Variants in CPA6 observed in about 807,000 individuals in gnomAD.
CPA6 encodes carboxypeptidase B.
A neutral mutation model predicts 63.3 loss-of-function variants in CPA6; 58 were observed. The observed-to-expected ratio is 0.92, with a 90% CI of 0.74 to 1.14. The LOEUF is 1.14. CPA6 is among the 50% of genes most tolerant of loss of function. CPA6 has a pLI of 0.00. For missense variants in CPA6, 565 were observed against 526.6 expected (o/e 1.07, Z -0.71); for synonymous variants, 185 against 179.0 (o/e 1.03, Z -0.27).
intron 2 of CPA6, among the ~76,000 whole-genome samples, chr8:67,546,715 C>A (rs1030053690): frequency 6.6e-6 from 1 of 152,194 alleles, no homozygotes; most frequent in African/African-American, 2.4e-5. Flanking sequence ...AGATGGGTGT[C>A]TCTCTGTGTT....
intron 5 of CPA6, among the ~76,000 whole-genome samples, chr8:67,507,714 A>G (rs1321982411): frequency 6.6e-6 from 1 of 152,206 alleles, no homozygotes; most frequent in Non-Finnish European, 1.5e-5. Flanking sequence ...TGATGCGAAT[A>G]TCAATAAGTT....
At chr8:67,641,936 C>T (rs558936671) in intron 1 of CPA6, among the ~76,000 whole-genome samples, 3 of 152,122 alleles carry the variant, frequency 2.0e-5, no homozygotes, top group Non-Finnish European at 4.4e-5. Context: ...AGATTACATA[C>T]AAATATACAG....
chr8:67,742,235 C>T (rs1023354952), intron 1 of CPA6, among the ~76,000 whole-genome samples: 7 of 152,102 alleles, frequency 4.6e-5, no homozygotes, highest in African/African-American at 9.7e-5. Context: ...GATTCATTAT[C>T]GGTGACTCAT....
chr8:67,458,289 C>T (rs57438989), intron 8 of CPA6, among the ~76,000 whole-genome samples: 1 of 152,048 alleles, frequency 6.6e-6, no homozygotes, highest in African/African-American at 2.4e-5. Flanking sequence ...CTCCACCTCC[C>T]AGGTTCAAGT....
chr8:67,584,448 G>C (rs1369078055), intron 2 of CPA6, among the ~76,000 whole-genome samples: 1 of 151,792 alleles, frequency 6.6e-6, no homozygotes, highest in Non-Finnish European at 1.5e-5. Context: ...TGCTAGGAGT[G>C]GCTGATTAAT....
At chr8:67,728,037 T>C (rs1587732910) in intron 1 of CPA6, among the ~76,000 whole-genome samples, 1 of 140,292 alleles carries the variant, frequency 7.1e-6, no homozygotes, top group African/African-American at 2.7e-5. Flanking sequence ...GAGATAGCAC[T>C]ACAGCACTCT....
At chr8:67,458,864 T>A (rs1810736477) in intron 8 of CPA6, among the ~76,000 whole-genome samples, 1 of 152,090 alleles carries the variant, frequency 6.6e-6, no homozygotes, top group Non-Finnish European at 1.5e-5. Flanking sequence ...CCAATTTGAG[T>A]GGTCAAAATC....
At chr8:67,433,358 C>A (rs1480056315) in intron 9 of CPA6, among the ~76,000 whole-genome samples, 1 of 152,168 alleles carries the variant, frequency 6.6e-6, no homozygotes, top group Non-Finnish European at 1.5e-5. Flanking sequence ...TCTGAAACGA[C>A]TCACTTCATG....
intron 6 of CPA6, among the ~76,000 whole-genome samples, chr8:67,496,153 C>T (rs748758855): frequency 2.6e-5 from 4 of 152,098 alleles, no homozygotes; most frequent in Non-Finnish European, 5.9e-5. Context: ...TTTTCTAATT[C>T]CTTAATTCCT....
chr8:67,744,032 C>T (rs1180565641), intron 1 of CPA6, among the ~76,000 whole-genome samples: 3 of 152,124 alleles, frequency 2.0e-5, no homozygotes, highest in Non-Finnish European at 2.9e-5. Context: ...TCTTGTTCAC[C>T]GGAAGGCTAA....
At chr8:67,564,439 A>G (rs1458007331) in intron 2 of CPA6, among the ~76,000 whole-genome samples, 1 of 147,762 alleles carries the variant, frequency 6.8e-6, no homozygotes, top group South Asian at 2.1e-4. Context: ...TATGTTTTGG[A>G]TATAGAGAAC....
Position 67,475,880 on chromosome 8 carries a change from TCCTTTC to T in CPA6, c.838+7882_838+7887del, listed in dbSNP as rs1563968027. Among the ~76,000 whole-genome samples, 232 of 43,270 alleles carry T rather than the reference TCCTTTC, an allele frequency of 5.4e-3. 4 individuals are homozygous for T. Among genetic ancestry groups the T allele is most frequent in the African/African-American group, 0.018 (206 of 11,484 alleles). The allele number at this position is 43,270 out of a possible 152,430, so 28.4% of individuals were successfully genotyped here. A position where few individuals can be genotyped will look rare whatever the true frequency, so the allele number is the denominator to read the frequency against. Reference sequence around the variant, plus strand: ...CTTTCTTTCTTTCTTTCTTTCTTTCTCCTTTCTTTCTTTCTTTCTTTCTTTCTTTCT... The same window carrying T: ...CTTTCTTTCTTTCTTTCTTTCTTTCTTTTCTTTCTTTCTTTCTTTCTTTCT... On this transcript the variant is annotated intron_variant, in intron 8 of 10. Coordinates refer to ENST00000297770, the MANE Select transcript of CPA6 (RefSeq NM_020361.5).
chr8:67,733,056 T>C lies in CPA6; in HGVS notation c.116+12958A>G, dbSNP rs1180760332. Among the ~76,000 whole-genome samples the C allele has an allele frequency of 2.6e-5, 4 of 151,232 alleles. No individual in the cohort carries two copies. The East Asian group carries it at 5.9e-4, about 22-fold the overall frequency. ...CTAAAAATACAAAAAATTAGCCAGG[T>C]GTGGTGGCGGGCACCTGTAGTCCCA... On this transcript the variant is annotated intron_variant, in intron 1 of 10. Transcript: ENST00000297770.
At chr8:67,613,719 C>T (rs1419983423) in intron 2 of CPA6, among the ~76,000 whole-genome samples, 1 of 152,182 alleles carries the variant, frequency 6.6e-6, no homozygotes, top group Non-Finnish European at 1.5e-5. Context: ...AAGGCCCCAC[C>T]CTCAAGCCTG....
chr8:67,681,200 C>CTTTCTTTTTTTTTTTTTTT (rs1816586314), intron 1 of CPA6, among the ~76,000 whole-genome samples: 1 of 89,896 alleles, frequency 1.1e-5, no homozygotes, highest in Non-Finnish European at 2.0e-5. Context: ...CAAAGATTTT[C>CTTTCTTTTTTTTTTTTTTT]TTTTTTTTTT....
At chr8:67,682,246 C>T (rs531604763) in intron 1 of CPA6, among the ~76,000 whole-genome samples, 28 of 151,866 alleles carry the variant, frequency 1.8e-4, no homozygotes, top group African/African-American at 6.0e-4. Context: ...CTGTGTATTT[C>T]GGGTAAGATA....
intron 1 of CPA6, among the ~76,000 whole-genome samples, chr8:67,712,836 C>A (rs1817290557): frequency 6.6e-6 from 1 of 151,552 alleles, no homozygotes. Context: ...TGTGAATCAT[C>A]CCTTCGTCCA....
chr8:67,577,858 G>A (rs949055749), intron 2 of CPA6, among the ~76,000 whole-genome samples: 1 of 152,140 alleles, frequency 6.6e-6, no homozygotes, highest in African/African-American at 2.4e-5. Flanking sequence ...AAGTAATTTC[G>A]AGTCATGTGG....
intron 8 of CPA6, among the ~76,000 whole-genome samples, chr8:67,439,353 A>G (rs565556063): frequency 1.3e-5 from 2 of 151,750 alleles, no homozygotes; most frequent in South Asian, 2.1e-4. Flanking sequence ...TTTGGGAGCC[A>G]AGGCAGGTGG....
Sources: gnomAD v4.1 joint callset for allele counts (sites outside exome capture counted in the v4.1 genomes callset) on GRCh38, gnomAD v4.1.1 for gene constraint, MANE v1.5 for transcripts, NCBI Gene and HGNC (gene_info 2026-07-23, HGNC 2026-07-21) for gene names.